NOL4: variants seen among roughly 807,000 people sequenced by gnomAD.
NOL4 encodes the protein nucleolar protein 4.
NOL4 carries 17 observed loss-of-function variants against 75.9 expected under a neutral mutation model. That is an observed-to-expected ratio of 0.22 (90% confidence interval 0.15 to 0.34). The LOEUF is 0.34. NOL4 is among the 10% of genes least tolerant of loss of function. NOL4 has a pLI of 1.00. For synonymous variants in NOL4, 292 were observed against 289.9 expected, an observed-to-expected ratio of 1.01 and a Z score of -0.07; for missense variants, 614 against 793.5, an observed-to-expected ratio of 0.77 and a Z score of 2.72.
chr18:33,921,909 G>A (rs1158775948), intron 9 of NOL4, among the ~76,000 whole-genome samples: 1 of 152,060 alleles, frequency 6.6e-6, no homozygotes, highest in Non-Finnish European at 1.5e-5. Context: ...TGTTTCATGT[G>A]TTTTACAGAA....
intron 5 of NOL4, among the ~76,000 whole-genome samples, chr18:34,021,157 A>T (rs2075014399): frequency 6.6e-6 from 1 of 152,172 alleles, no homozygotes; most frequent in South Asian, 2.1e-4. Flanking sequence ...GCCTGTAAAG[A>T]CTCTGTCTTC....
intron 9 of NOL4, among the ~76,000 whole-genome samples, chr18:33,903,707 C>T (rs1325291502): frequency 6.6e-6 from 1 of 152,186 alleles, no homozygotes; most frequent in Non-Finnish European, 1.5e-5. Flanking sequence ...TGTTTAGCTA[C>T]CTGTGAGCTT....
At chr18:33,903,704 C>A (rs1438889771) in intron 9 of NOL4, among the ~76,000 whole-genome samples, 1 of 152,170 alleles carries the variant, frequency 6.6e-6, no homozygotes, top group African/African-American at 2.4e-5. Context: ...GAATGTTTAG[C>A]TACCTGTGAG....
At chr18:34,010,420 A>G (rs1260471108) in intron 6 of NOL4, among the ~76,000 whole-genome samples, 1 of 151,886 alleles carries the variant, frequency 6.6e-6, no homozygotes, top group Non-Finnish European at 1.5e-5. Context: ...ACTTCGGTTG[A>G]TTCCAAATCT....
chr18:34,071,890 A>G (rs1265022644), intron 5 of NOL4, among the ~76,000 whole-genome samples: 1 of 152,188 alleles, frequency 6.6e-6, no homozygotes, highest in Non-Finnish European at 1.5e-5. Context: ...ACCTAACTAT[A>G]TGATAACCTA....
intron 8 of NOL4, among the ~76,000 whole-genome samples, chr18:33,951,670 A>C (rs562950483): frequency 4.0e-4 from 61 of 152,136 alleles, no homozygotes; most frequent in Non-Finnish European, 8.5e-4. Context: ...CCTGTGGGTA[A>C]CTTACATACT....
At chr18:34,198,473 T>A (rs1053978894) in intron 1 of NOL4, among the ~76,000 whole-genome samples, 2 of 151,944 alleles carry the variant, frequency 1.3e-5, no homozygotes. Context: ...AGTGTGCTTT[T>A]AAAAATTCCC....
At chr18:33,924,458 T>C (rs572594601) in intron 9 of NOL4, among the ~76,000 whole-genome samples, 3 of 152,322 alleles carry the variant, frequency 2.0e-5, no homozygotes, top group East Asian at 1.9e-4. Flanking sequence ...GGGCCATCTA[T>C]TACCATTCTC....
chr18:34,147,612 G>A (rs1217582207), intron 1 of NOL4, among the ~76,000 whole-genome samples: 8 of 152,034 alleles, frequency 5.3e-5, no homozygotes. Context: ...GCTAGATTTG[G>A]TTTGCCAGTA....
At chr18:33,883,854 C>A (rs1416921984) in intron 9 of NOL4, among the ~76,000 whole-genome samples, 1 of 151,988 alleles carries the variant, frequency 6.6e-6, no homozygotes, top group East Asian at 1.9e-4. Flanking sequence ...TATAAGCCAA[C>A]CACAAAAAAA....
At chr18:34,143,864 CA>C (rs754617814) in intron 1 of NOL4, among the ~76,000 whole-genome samples, 17,820 of 65,982 alleles carry the variant, frequency 0.27, 1,003 homozygotes, top group Non-Finnish European at 0.33. Context: ...AACTCCATCT[CA>C]AAAAAAAAAA....
chr18:33,932,867 C>G (rs1186788600), intron 9 of NOL4, among the ~76,000 whole-genome samples: 1 of 152,056 alleles, frequency 6.6e-6, no homozygotes, highest in Non-Finnish European at 1.5e-5. Context: ...GCTTGCAAAA[C>G]ACTTCACATA....
At chr18:33,950,679 T>C (rs984256649) in intron 8 of NOL4, among the ~76,000 whole-genome samples, 9 of 152,056 alleles carry the variant, frequency 5.9e-5, no homozygotes, top group Non-Finnish European at 2.9e-5. Flanking sequence ...AAAATAAAAC[T>C]ACAAAAGATG....
rs138977826 is a variant in NOL4 at position 34,151,445 on chromosome 18, C to T, written c.265-21425G>A. Among the ~76,000 whole-genome samples the T allele has an allele frequency of 3.3e-3, 500 of 151,768 alleles. 5 individuals carry two copies. The highest frequency in any genetic ancestry group is 0.012 in the African/African-American group (480 of 41,440). On this transcript the variant is annotated intron_variant, in intron 1 of 10. Coordinates refer to ENST00000261592, the MANE Select transcript of NOL4 (RefSeq NM_003787.5). ...AATGCATATTATCGAGTGATAGAAGCCAATCTGAAAGGTCTAAATACTATA... is the reference window on the plus strand; with the variant it reads ...AATGCATATTATCGAGTGATAGAAGTCAATCTGAAAGGTCTAAATACTATA...
At chr18:34,157,814 G>T (rs2030711584) in intron 1 of NOL4, among the ~76,000 whole-genome samples, 1 of 152,074 alleles carries the variant, frequency 6.6e-6, no homozygotes, top group Non-Finnish European at 1.5e-5. Context: ...GGGACCATTC[G>T]ATTTGGTATT....
chr18:34,082,881 G>C (rs754849911), intron 5 of NOL4, among the ~76,000 whole-genome samples: 6 of 152,166 alleles, frequency 3.9e-5, no homozygotes, highest in Non-Finnish European at 8.8e-5. Context: ...CTCATAGGGA[G>C]AGATGGGCTG....
At chr18:34,188,617 A>T (rs1417626874) in intron 1 of NOL4, among the ~76,000 whole-genome samples, 1 of 152,194 alleles carries the variant, frequency 6.6e-6, no homozygotes, top group African/African-American at 2.4e-5. Flanking sequence ...TAATGTATTG[A>T]ATACTCTACC....
intron 5 of NOL4, among the ~76,000 whole-genome samples, chr18:34,045,201 C>T (rs2076310878): frequency 6.6e-6 from 1 of 152,174 alleles, no homozygotes; most frequent in Non-Finnish European, 1.5e-5. Context: ...GCATGAGCCA[C>T]TGCCTGCCGT....
chr18:34,167,514 G>A (rs2032520545), intron 1 of NOL4, among the ~76,000 whole-genome samples: 2 of 122,696 alleles, frequency 1.6e-5, no homozygotes, highest in African/African-American at 5.7e-5. Context: ...AAAAATCTGA[G>A]ACTGTTTCCT....
Sources: gnomAD v4.1 joint callset for allele counts (sites outside exome capture counted in the v4.1 genomes callset) on GRCh38, gnomAD v4.1.1 for gene constraint, MANE v1.5 for transcripts, NCBI Gene and HGNC (gene_info 2026-07-23, HGNC 2026-07-21) for gene names.